Variants in SHISA9 observed in about 807,000 individuals in gnomAD.
The protein encoded by SHISA9 is shisa family member 9.
In SHISA9, 13 loss-of-function variants were observed where a neutral mutation model predicts 38.0. That is an observed-to-expected ratio of 0.34 (90% CI 0.22 to 0.54). The LOEUF (loss-of-function observed/expected upper bound fraction) is 0.54, where lower values mean the gene tolerates loss of function less well. Among genes scored for constraint, SHISA9 ranks in the 20% least tolerant of loss-of-function variants. The pLI, the probability that SHISA9 is intolerant of heterozygous loss-of-function variation, is 0.91. For missense variants in SHISA9, 538 were observed against 575.8 expected (o/e 0.93, Z 0.67); for synonymous variants, 275 against 242.0 (o/e 1.14, Z -1.27).
the SHISA9 span, among the ~76,000 whole-genome samples, chr16:13,267,451 A>C: frequency 6.6e-6 from 1 of 152,176 alleles, no homozygotes; most frequent in Non-Finnish European, 1.5e-5. Flanking sequence ...AGGTAGTGTG[A>C]GTTTGTACAG....
chr16:13,546,788 T>A, the SHISA9 span, among the ~76,000 whole-genome samples: 5 of 152,318 alleles, frequency 3.3e-5, no homozygotes, highest in African/African-American at 7.2e-5. Flanking sequence ...GCTTTCTCTG[T>A]CAATAGAAGA....
In SHISA9 at chr16:13,145,452, G is replaced by A. The variant is rs539990182; in HGVS notation, c.692-57942G>A. Among the ~76,000 whole-genome samples, 68 of 152,204 alleles carry A rather than the reference G, an allele frequency of 4.5e-4. 1 individual carries two copies. The highest frequency in any genetic ancestry group is 6.8e-3 in the Middle Eastern group (2 of 294). On this transcript the variant is annotated intron_variant, in intron 2 of 4. Coordinates refer to ENST00000558583, the MANE Select transcript of SHISA9 (RefSeq NM_001145204.3). ...TGAGGCAGGAGAATTGCTTGAACCCGGGAGGCGGGAGTTGCAGTGAGCCAA... is the reference window on the plus strand; with the variant it reads ...TGAGGCAGGAGAATTGCTTGAACCCAGGAGGCGGGAGTTGCAGTGAGCCAA...
the SHISA9 span, among the ~76,000 whole-genome samples, chr16:13,286,651 G>C: frequency 1.8e-4 from 27 of 152,270 alleles, no homozygotes; most frequent in South Asian, 5.6e-3. Context: ...TTTGATGTGT[G>C]TTTGTTTATC....
intron 2 of SHISA9, among the ~76,000 whole-genome samples, chr16:13,019,886 T>TC (rs1567184093): frequency 1.3e-3 from 15 of 11,760 alleles, no homozygotes; most frequent in East Asian, 9.7e-3. Context: ...CTCCCTCCCT[T>TC]CTTTCTTTCT....
the SHISA9 span, among the ~76,000 whole-genome samples, chr16:13,448,118 G>A: frequency 5.9e-5 from 9 of 152,272 alleles, no homozygotes; most frequent in South Asian, 2.1e-4. Flanking sequence ...ATACACCATC[G>A]GACTTACTGC....
intron 2 of SHISA9, among the ~76,000 whole-genome samples, chr16:13,000,625 A>G (rs142414840): frequency 1.8e-3 from 281 of 152,206 alleles, no homozygotes; most frequent in African/African-American, 6.4e-3. Flanking sequence ...CCACATCCGC[A>G]GGCAGAAGGG....
At chr16:13,417,695 C>G in the SHISA9 span, among the ~76,000 whole-genome samples, 1 of 152,214 alleles carries the variant, frequency 6.6e-6, no homozygotes, top group Non-Finnish European at 1.5e-5. Flanking sequence ...TGGAGGCTAC[C>G]TCAGCAGATA....
chr16:13,061,933 T>G (rs368684235), intron 2 of SHISA9, among the ~76,000 whole-genome samples: 1 of 152,030 alleles, frequency 6.6e-6, no homozygotes, highest in Non-Finnish European at 1.5e-5. Context: ...ACAAGTTCCT[T>G]AAGTTGGACG....
Position 13,118,497 on chromosome 16 carries a change from GCCA to G in SHISA9, c.692-84894_692-84892del, listed in dbSNP as rs2074052950. Among the ~76,000 whole-genome samples, 11 of 152,282 alleles carry G rather than the reference GCCA, an allele frequency of 7.2e-5. No individual in the cohort carries two copies. The South Asian group carries it at 2.3e-3, about 32-fold the overall frequency. ...TCTTAATTCCTGGGAAGGTCAGATA[GCCA>G]CCTAGAACAGTGCTTCCCAAAAGGT... On this transcript the variant is annotated intron_variant, in intron 2 of 4. Transcript: ENST00000558583.
the SHISA9 span, among the ~76,000 whole-genome samples, chr16:13,470,742 A>C: frequency 6.6e-6 from 1 of 152,164 alleles, no homozygotes; most frequent in Admixed American, 6.5e-5. Flanking sequence ...TTCTGTAACA[A>C]AGAAAACATA....
the SHISA9 span, among the ~76,000 whole-genome samples, chr16:13,413,757 CAAAAAAAAAAAAAAAA>C: frequency 1.9e-5 from 1 of 52,894 alleles, no homozygotes; most frequent in Admixed American, 3.2e-4. Context: ...GACTTCATCT[CAAAAAAAAAAAAAAAA>C]AAAAAAAAAA....
the SHISA9 span, among the ~76,000 whole-genome samples, chr16:13,534,412 A>G: frequency 4.6e-5 from 7 of 151,836 alleles, no homozygotes; most frequent in African/African-American, 1.7e-4. Flanking sequence ...TTTAGTAGAG[A>G]TGGAGTTTCA....
At chr16:13,293,006 A>C in the SHISA9 span, among the ~76,000 whole-genome samples, 1 of 152,170 alleles carries the variant, frequency 6.6e-6, no homozygotes, top group African/African-American at 2.4e-5. Flanking sequence ...TTTCAAGAAC[A>C]AGATGAAGCA....
intron 2 of SHISA9, among the ~76,000 whole-genome samples, chr16:13,153,918 C>G (rs1248753092): frequency 1.3e-5 from 2 of 148,316 alleles, no homozygotes; most frequent in Non-Finnish European, 3.0e-5. Flanking sequence ...GGCTGAAGCT[C>G]CTGTTGCAAA....
intron 2 of SHISA9, among the ~76,000 whole-genome samples, chr16:12,924,390 C>G (rs1275095338): frequency 6.6e-6 from 1 of 151,976 alleles, no homozygotes; most frequent in African/African-American, 2.4e-5. Flanking sequence ...GATTAAAAGC[C>G]CAGTGAAACT....
chr16:13,031,847 A>T (rs187899186), intron 2 of SHISA9, among the ~76,000 whole-genome samples: 1 of 152,334 alleles, frequency 6.6e-6, no homozygotes, highest in Non-Finnish European at 1.5e-5. Context: ...AAATTTCCTC[A>T]GTGAGAAACA....
chr16:13,144,863 C>A (rs1309142998), intron 2 of SHISA9, among the ~76,000 whole-genome samples: 3 of 151,984 alleles, frequency 2.0e-5, no homozygotes, highest in Admixed American at 2.0e-4. Context: ...CATCAACTTT[C>A]ACATTATACA....
intron 2 of SHISA9, among the ~76,000 whole-genome samples, chr16:13,112,005 G>T (rs2073983244): frequency 6.6e-6 from 1 of 152,202 alleles, no homozygotes; most frequent in South Asian, 2.1e-4. Context: ...AACCAGGTCT[G>T]TCTGACTTTC....
intron 2 of SHISA9, among the ~76,000 whole-genome samples, chr16:13,121,899 A>G (rs2050215105): frequency 6.6e-6 from 1 of 151,640 alleles, no homozygotes; most frequent in African/African-American, 2.4e-5. Flanking sequence ...GGCCTACATA[A>G]CAGACATAAT....
Sources: allele counts gnomAD v4.1 joint callset (sites outside exome capture counted in the v4.1 genomes callset), GRCh38; gene constraint gnomAD v4.1.1; transcripts MANE v1.5; gene names NCBI Gene and HGNC (gene_info 2026-07-23, HGNC 2026-07-21).